DOCK1: variants seen among roughly 807,000 people sequenced by gnomAD.
The protein encoded by DOCK1 is dedicator of cytokinesis 1.
In DOCK1, 138 loss-of-function variants were observed where a neutral mutation model predicts 262.7. The ratio of observed to expected loss-of-function variants is 0.53; its 90% CI spans 0.46 to 0.61. The LOEUF (loss-of-function observed/expected upper bound fraction) is 0.61, where lower values mean the gene tolerates loss of function less well. DOCK1 is among the 20% of genes least tolerant of loss of function. The pLI is 0.00. For synonymous variants in DOCK1, 866 were observed against 867.4 expected (o/e 1.00, Z 0.03); for missense variants, 1,908 against 2,370.7 (o/e 0.80, Z 4.05).
At chr10:126,955,828 C>G (rs1387523248) in intron 1 of DOCK1, among the ~76,000 whole-genome samples, 4 of 152,074 alleles carry the variant, frequency 2.6e-5, no homozygotes, top group Non-Finnish European at 4.4e-5. Context: ...TGGGTGCTCT[C>G]TAGGGAAGGA....
intron 29 of DOCK1, among the ~76,000 whole-genome samples, chr10:127,331,937 C>T (rs957555339): frequency 6.6e-6 from 1 of 152,192 alleles, no homozygotes; most frequent in Non-Finnish European, 1.5e-5. Flanking sequence ...GTGTCTGGAA[C>T]TTAGGGGGTG....
At chr10:127,320,552 C>T (rs1041847536) in intron 29 of DOCK1, among the ~76,000 whole-genome samples, 37 of 152,250 alleles carry the variant, frequency 2.4e-4, no homozygotes, top group African/African-American at 8.2e-4. Flanking sequence ...GTAAACCCAA[C>T]AGCAGTGTGA....
intron 50 of DOCK1, among the ~76,000 whole-genome samples, chr10:127,445,764 C>G (rs1236481056): frequency 6.6e-6 from 1 of 152,184 alleles, no homozygotes; most frequent in Non-Finnish European, 1.5e-5. Flanking sequence ...TGTCCATCAA[C>G]TGATGGCCAG....
chr10:127,093,339 A>T (rs1480338403), intron 23 of DOCK1, among the ~76,000 whole-genome samples: 2 of 134,260 alleles, frequency 1.5e-5, no homozygotes, highest in African/African-American at 2.8e-5. Context: ...TCCACCTTCC[A>T]GGCTCAAGTA....
chr10:126,966,564 T>G (rs2037694344), intron 1 of DOCK1, among the ~76,000 whole-genome samples: 1 of 152,204 alleles, frequency 6.6e-6, no homozygotes, highest in African/African-American at 2.4e-5. Flanking sequence ...TTTTTTTGTC[T>G]TCTTGATACT....
At chr10:127,159,508 A>C (rs146888165) in intron 27 of DOCK1, among the ~76,000 whole-genome samples, 50 of 152,300 alleles carry the variant, frequency 3.3e-4, no homozygotes, top group African/African-American at 1.2e-3. Context: ...TTTGTGTGTA[A>C]ATACACACAC....
rs530598648 is a variant in DOCK1, at chr10:127,322,794, C to T, written c.3045-16212C>T. ...AGTCTATTAGTGAATGCAGAAGAGA[C>T]CATATGGCCTGCAAGGCCTGACTTC... On this transcript the variant is annotated intron_variant, in intron 29 of 51. Coordinates refer to ENST00000623213, the MANE Select transcript of DOCK1 (RefSeq NM_001290223.2). 2.5e-3 allele frequency among the ~76,000 whole-genome samples: 387 copies of T among 152,324 alleles called. 4 individuals are homozygous for T. Among genetic ancestry groups the T allele is most frequent in the African/African-American group, 8.7e-3 (361 of 41,562 alleles).
intron 23 of DOCK1, among the ~76,000 whole-genome samples, chr10:127,087,068 C>T (rs1031782965): frequency 3.3e-5 from 5 of 152,128 alleles, no homozygotes; most frequent in African/African-American, 1.2e-4. Flanking sequence ...ACTACATAAG[C>T]CTCCAGAAGG....
intron 38 of DOCK1, among the ~76,000 whole-genome samples, chr10:127,390,398 T>C (rs941978306): frequency 6.6e-6 from 1 of 152,128 alleles, no homozygotes; most frequent in Non-Finnish European, 1.5e-5. Context: ...CCCCCCAAAA[T>C]TCCTATGTTG....
At chr10:127,095,280 G>T (rs986651933) in intron 23 of DOCK1, among the ~76,000 whole-genome samples, 3 of 152,188 alleles carry the variant, frequency 2.0e-5, no homozygotes, top group African/African-American at 7.2e-5. Context: ...AGGCATCACT[G>T]TAGCCCTATC....
At chr10:126,953,199 G>A (rs1260582311) in intron 1 of DOCK1, among the ~76,000 whole-genome samples, 1 of 151,698 alleles carries the variant, frequency 6.6e-6, no homozygotes, top group Non-Finnish European at 1.5e-5. Flanking sequence ...AGTGGAGGTG[G>A]TAGTGGTGGT....
intron 1 of DOCK1, among the ~76,000 whole-genome samples, chr10:126,942,088 G>A (rs1352379154): frequency 1.3e-5 from 2 of 151,766 alleles, no homozygotes; most frequent in Admixed American, 6.6e-5. Flanking sequence ...GCAGTGGCAC[G>A]ATCTCGGCTC....
At chr10:127,050,915 G>T (rs530463006) in intron 21 of DOCK1, among the ~76,000 whole-genome samples, 1 of 151,712 alleles carries the variant, frequency 6.6e-6, no homozygotes, top group Non-Finnish European at 1.5e-5. Flanking sequence ...CTTGTTATTT[G>T]AATTACAGTA....
intron 29 of DOCK1, among the ~76,000 whole-genome samples, chr10:127,295,407 C>T (rs1201185237): frequency 2.0e-5 from 3 of 152,084 alleles, no homozygotes; most frequent in Admixed American, 6.5e-5. Flanking sequence ...CATAAGGTAT[C>T]CACTCCCATG....
intron 29 of DOCK1, among the ~76,000 whole-genome samples, chr10:127,289,955 G>A (rs2061294445): frequency 7.0e-6 from 1 of 143,210 alleles, no homozygotes; most frequent in Non-Finnish European, 1.5e-5. Flanking sequence ...TTTTACTTTT[G>A]TATTTCTTTC....
chr10:127,354,770 C>G (rs778319618), intron 32 of DOCK1, 43 bp downstream of exon 32: 1 of 1,611,702 alleles, frequency 6.2e-7, no homozygotes, highest in South Asian at 1.1e-5. Context: ...ATCTTGCATC[C>G]CTGGTGGGTC....
intron 1 of DOCK1, among the ~76,000 whole-genome samples, chr10:126,922,401 C>T (rs1224443698): frequency 4.6e-5 from 7 of 152,054 alleles, no homozygotes; most frequent in Non-Finnish European, 1.0e-4. Flanking sequence ...GGAGCTGCCA[C>T]ACTCTAGTCC....
rs190948497 is a variant in DOCK1 at position 127,147,464 on chromosome 10, G to A, written c.2847+19700G>A. Among the ~76,000 whole-genome samples the A allele has an allele frequency of 8.5e-3, 1,285 of 152,056 alleles. 18 individuals are homozygous for A. The highest frequency in any genetic ancestry group is 0.029 in the African/African-American group (1,217 of 41,478). The stretch of plus-strand genomic sequence containing the variant: ...CCCTGGCTTCCTTCACCTCCTCCTC[G>A]CCTGCCTTTTACGTCCTTGCACCTG... On this transcript the variant is annotated intron_variant, in intron 27 of 51. Coordinates refer to ENST00000623213, the MANE Select transcript of DOCK1 (RefSeq NM_001290223.2).
At chr10:127,090,236 A>G (rs958444468) in intron 23 of DOCK1, among the ~76,000 whole-genome samples, 1 of 152,144 alleles carries the variant, frequency 6.6e-6, no homozygotes, top group African/African-American at 2.4e-5. Context: ...GGTACCAGGC[A>G]GTGGCACCGG....
Sources: gnomAD v4.1 joint callset for allele counts (sites outside exome capture counted in the v4.1 genomes callset) on GRCh38, gnomAD v4.1.1 for gene constraint, MANE v1.5 for transcripts, NCBI Gene and HGNC (gene_info 2026-07-23, HGNC 2026-07-21) for gene names.